The following PTPRG variants were observed in gnomAD, a reference collection of about 807,000 sequenced individuals.
The protein encoded by PTPRG is receptor-type tyrosine-protein phosphatase gamma.
PTPRG carries 102 observed loss-of-function variants against 165.3 expected under a neutral mutation model. The observed-to-expected ratio is 0.62, with a 90% CI of 0.53 to 0.73. The LOEUF (loss-of-function observed/expected upper bound fraction) is 0.73. Among genes scored for constraint, PTPRG ranks in the 30% least tolerant of loss-of-function variants. The pLI, the probability that PTPRG is intolerant of heterozygous loss-of-function variation, is 0.00. For synonymous variants in PTPRG, 675 were observed against 669.5 expected (o/e 1.01, Z -0.13); for missense variants, 1,866 against 1,861.4 (o/e 1.00, Z -0.05).
chr3:61,949,643 C>G (rs1345600623), intron 2 of PTPRG, among the ~76,000 whole-genome samples: 1 of 151,998 alleles, frequency 6.6e-6, no homozygotes, highest in Non-Finnish European at 1.5e-5. Flanking sequence ...TGTCAAATGC[C>G]AGCTCAGGTG....
At chr3:61,885,804 T>C (rs1920054) in intron 2 of PTPRG, among the ~76,000 whole-genome samples, 29,905 of 144,634 alleles carry the variant, frequency 0.21, 5,076 homozygotes, top group African/African-American at 0.47. Flanking sequence ...CCGCCTCAGC[T>C]TGAGTAACTG....
At chr3:62,261,595 C>CT (rs11374967) in intron 16 of PTPRG, among the ~76,000 whole-genome samples, 28,939 of 127,238 alleles carry the variant, frequency 0.23, 2,942 homozygotes, top group South Asian at 0.31. Flanking sequence ...GCCTGTGGGG[C>CT]TTTTTTTTTT....
intron 1 of PTPRG, among the ~76,000 whole-genome samples, chr3:61,566,279 A>C (rs1446292042): frequency 1.3e-5 from 2 of 152,264 alleles, no homozygotes; most frequent in Admixed American, 1.3e-4. Flanking sequence ...TGTTGTTTAC[A>C]TGAAGCGATC....
At chr3:62,257,903 G>T (rs867639423) in intron 16 of PTPRG, among the ~76,000 whole-genome samples, 1 of 152,122 alleles carries the variant, frequency 6.6e-6, no homozygotes, top group African/African-American at 2.4e-5. Context: ...TATTGAGGCT[G>T]CAGTGACCTA....
intron 1 of PTPRG, among the ~76,000 whole-genome samples, chr3:61,610,693 T>C (rs563807027): frequency 1.1e-4 from 16 of 151,968 alleles, no homozygotes; most frequent in Admixed American, 5.2e-4. Flanking sequence ...TAGGTAGTTA[T>C]TTTCGTTTCA....
At chr3:61,812,888 G>A (rs1360043932) in intron 2 of PTPRG, among the ~76,000 whole-genome samples, 2 of 152,220 alleles carry the variant, frequency 1.3e-5, no homozygotes, top group Non-Finnish European at 2.9e-5. Flanking sequence ...TACTGGTTTA[G>A]GATGCTAGGT....
intron 2 of PTPRG, among the ~76,000 whole-genome samples, chr3:61,855,786 G>A (rs1044266418): frequency 2.0e-5 from 3 of 151,554 alleles, no homozygotes; most frequent in African/African-American, 7.3e-5. Flanking sequence ...GCTTGCTGAG[G>A]TGTAAGCCTG....
rs560082306 is a variant in PTPRG at position 62,219,516 on chromosome 3, C to T, written c.2288+533C>T. Among the ~76,000 whole-genome samples, 55 of 152,248 alleles carry T rather than the reference C, an allele frequency of 3.6e-4. 1 individual carries two copies. The South Asian group carries it at 0.011, about 29-fold the overall frequency. On this transcript the variant is annotated intron_variant, in intron 13 of 29. Coordinates refer to ENST00000474889, the MANE Select transcript of PTPRG (RefSeq NM_002841.4). The surrounding 1 kb of genome is among the most constrained non-coding windows in gnomAD (Gnocchi z 4.5). The stretch of plus-strand genomic sequence containing the variant: ...TTAAAATGGCAGATTGTAAGCTATC[C>T]GGATTCTCACTGCTTCTCATGGGAA...
intron 1 of PTPRG, among the ~76,000 whole-genome samples, chr3:61,713,242 C>A (rs914427235): frequency 6.6e-6 from 1 of 151,298 alleles, no homozygotes; most frequent in African/African-American, 2.4e-5. Context: ...CTCACTGCAA[C>A]CTCCAGCTCC....
chr3:61,812,083 A>G (rs770002837), intron 2 of PTPRG, among the ~76,000 whole-genome samples: 1 of 152,206 alleles, frequency 6.6e-6, no homozygotes, highest in Non-Finnish European at 1.5e-5. Flanking sequence ...CAGGAGGTAG[A>G]ACTGCTAGGA....
chr3:61,658,374 C>T (rs1020679952), intron 1 of PTPRG, among the ~76,000 whole-genome samples: 5 of 152,108 alleles, frequency 3.3e-5, no homozygotes, highest in African/African-American at 7.2e-5. Flanking sequence ...GAGGAGGCAA[C>T]GTGGAGTCAC....
intron 1 of PTPRG, among the ~76,000 whole-genome samples, chr3:61,743,943 T>G (rs1014354014): frequency 7.2e-5 from 11 of 152,224 alleles, no homozygotes; most frequent in Non-Finnish European, 1.5e-4. Flanking sequence ...TTTGCATAAT[T>G]TAATTTTCTG....
chr3:61,700,138 C>A (rs1489970048), intron 1 of PTPRG, among the ~76,000 whole-genome samples: 3 of 152,124 alleles, frequency 2.0e-5, no homozygotes, highest in Non-Finnish European at 4.4e-5. Context: ...TCTCCTTATT[C>A]TTCTCTGTAC....
At chr3:61,751,843 A>G (rs1286770377) in intron 2 of PTPRG, among the ~76,000 whole-genome samples, 2 of 152,050 alleles carry the variant, frequency 1.3e-5, no homozygotes. Flanking sequence ...ACAAAAAAAA[A>G]TTAGCCAGGC....
At chr3:61,846,644 G>A (rs1256627910) in intron 2 of PTPRG, among the ~76,000 whole-genome samples, 1 of 147,696 alleles carries the variant, frequency 6.8e-6, no homozygotes, top group Non-Finnish European at 1.5e-5. Flanking sequence ...TATTGGGCGT[G>A]GTGGCTCATG....
rs536221914 is a variant in PTPRG at position 62,287,715 on chromosome 3, A to T, written c.4056-4706A>T. On this transcript the variant is annotated intron_variant, in intron 28 of 29. Coordinates refer to ENST00000474889, the MANE Select transcript of PTPRG (RefSeq NM_002841.4). The stretch of plus-strand genomic sequence containing the variant: ...TTCTTAAACTGAGCGACCAGGATAC[A>T]TTTGATCAGTAGCATTCAGAGAGAT... Among the ~76,000 whole-genome samples the T allele has an allele frequency of 8.5e-5, 13 of 152,344 alleles. No homozygotes were observed. In the East Asian group the frequency reaches 2.5e-3, roughly 29 times the overall value.
chr3:61,787,254 G>T (rs2034733881), intron 2 of PTPRG, among the ~76,000 whole-genome samples: 1 of 152,176 alleles, frequency 6.6e-6, no homozygotes, highest in Admixed American at 6.6e-5. Flanking sequence ...GCCTTTTAAT[G>T]TTCGTTTGTA....
At chr3:61,789,220 C>T (rs970853945) in intron 2 of PTPRG, among the ~76,000 whole-genome samples, 1 of 152,134 alleles carries the variant, frequency 6.6e-6, no homozygotes, top group African/African-American at 2.4e-5. Context: ...CCATCTCAAC[C>T]TCTTGAGTAG....
intron 8 of PTPRG, among the ~76,000 whole-genome samples, chr3:62,188,144 A>C (rs967981263): frequency 6.6e-6 from 1 of 152,206 alleles, no homozygotes; most frequent in Non-Finnish European, 1.5e-5. Context: ...GAGGCCAAAC[A>C]GGGAGGATCA....
Sources: gnomAD v4.1 joint callset for allele counts (sites outside exome capture counted in the v4.1 genomes callset) on GRCh38, gnomAD v4.1.1 for gene constraint, Gnocchi (gnomAD v3.1) non-coding constraint, MANE v1.5 for transcripts, NCBI Gene and HGNC (gene_info 2026-07-23, HGNC 2026-07-21) for gene names.